Variants in SHANK2 observed in about 807,000 individuals in gnomAD.
SHANK2 encodes SH3 and multiple ankyrin repeat domains protein 2.
A neutral mutation model predicts 133.7 loss-of-function variants in SHANK2; 43 were observed. The ratio of observed to expected loss-of-function variants is 0.32; its 90% CI spans 0.25 to 0.41. The LOEUF (loss-of-function observed/expected upper bound fraction) is 0.41. Among genes scored for constraint, SHANK2 ranks in the 10% least tolerant of loss-of-function variants. The pLI, the probability that SHANK2 is intolerant of heterozygous loss-of-function variation, is 1.00. For missense variants in SHANK2, 1,994 were observed against 2,235.8 expected, an observed-to-expected ratio of 0.89 and a Z score of 2.18; for synonymous variants, 1,017 against 952.8, an observed-to-expected ratio of 1.07 and a Z score of -1.24.
rs560245185 is a variant in SHANK2, at chr11:70,739,955, G to T, written c.1778-41192C>A. Among the ~76,000 whole-genome samples the T allele has an allele frequency of 6.6e-6, 1 of 152,362 alleles. No homozygotes were observed. Among genetic ancestry groups the T allele is most frequent in the South Asian group, 2.1e-4 (1 of 4,826 alleles). On this transcript the variant is annotated intron_variant, in intron 14 of 25. Transcript: ENST00000601538. The surrounding 1 kb of genome is among the most constrained non-coding windows in gnomAD (Gnocchi z 4.3). Reference sequence around the variant, plus strand: ...CACGCAGGTAGGGCACAGAAGTCCAGCTTGGCTCCTTCGCCATCAGGAGAC... The same window carrying T: ...CACGCAGGTAGGGCACAGAAGTCCATCTTGGCTCCTTCGCCATCAGGAGAC...
At chr11:70,742,787 G>C (rs557405025) in intron 14 of SHANK2, among the ~76,000 whole-genome samples, 1 of 152,352 alleles carries the variant, frequency 6.6e-6, no homozygotes, top group South Asian at 2.1e-4. Context: ...GGCCTGGAGC[G>C]CAGGCATGGC....
intron 14 of SHANK2, among the ~76,000 whole-genome samples, chr11:70,772,586 C>T (rs1392681217): frequency 6.6e-6 from 1 of 152,202 alleles, no homozygotes; most frequent in African/African-American, 2.4e-5. Flanking sequence ...CCTGTCGCTT[C>T]CTACATGCAG....
At position 70,922,515 on chromosome 11, in the gene SHANK2, C is replaced by G. The variant is rs114847104; in HGVS notation, c.1108-25948G>C. On this transcript the variant is annotated intron_variant, in intron 10 of 25. Coordinates refer to ENST00000601538, the MANE Select transcript of SHANK2 (RefSeq NM_012309.5). ...AGCAACCATAGCAAATGGCCATTAT[C>G]TACAATCACACCGACAGCAGTCTTT... Among the ~76,000 whole-genome samples the G allele has an allele frequency of 4.3e-3, 647 of 152,222 alleles. 5 individuals are homozygous for G. Among genetic ancestry groups the G allele is most frequent in the African/African-American group, 0.015 (625 of 41,544 alleles).
chr11:70,837,703 G>A (rs782520477), intron 11 of SHANK2, among the ~76,000 whole-genome samples: 4 of 152,100 alleles, frequency 2.6e-5, no homozygotes, highest in Non-Finnish European at 4.4e-5. Flanking sequence ...GGCCAGGCAC[G>A]GTGGCTCATG....
chr11:70,473,159 C>G lies in SHANK2; in HGVS notation c.5260G>C (p.Gly1754Arg). Reference sequence around the variant, plus strand: ...CTACTGCGTCCCGCTGGGTTCAAGCCAAATAGATCCCCAGAAGGGGGCTGG... The same window carrying G: ...CTACTGCGTCCCGCTGGGTTCAAGCGAAATAGATCCCCAGAAGGGGGCTGG... The part of the protein sequence containing the change: ...PSQPPSGDLF[G>R]LNPAGRSRSP... The change falls in exon 26 of 26, where the codon GGC becomes CGC. Residue 1754 changes from glycine (G) to arginine (R), a missense_variant. Coordinates refer to ENST00000601538, the MANE Select transcript of SHANK2 (RefSeq NM_012309.5). This position sits in a 1 kb window ranked among gnomAD's most constrained non-coding sequence, Gnocchi z 5.9. 1 of 1,613,948 alleles carries G rather than the reference C, an allele frequency of 6.2e-7. No individual in the cohort carries two copies. Among genetic ancestry groups the G allele is most frequent in the Non-Finnish European group, 8.5e-7 (1 of 1,179,824 alleles).
chr11:70,736,740 T>C (rs1314703254), intron 14 of SHANK2, among the ~76,000 whole-genome samples: 1 of 152,128 alleles, frequency 6.6e-6, no homozygotes, highest in African/African-American at 2.4e-5. Flanking sequence ...CTTCATTCCA[T>C]GGCGGCTCCC....
At chr11:71,223,198 C>T (rs1427817345) in intron 2 of SHANK2, among the ~76,000 whole-genome samples, 9 of 152,224 alleles carry the variant, frequency 5.9e-5, no homozygotes. Flanking sequence ...GGCCGCCCAA[C>T]TGCGATGGTG....
intron 17 of SHANK2, among the ~76,000 whole-genome samples, chr11:70,588,943 G>A (rs1448325914): frequency 6.6e-6 from 1 of 152,116 alleles, no homozygotes; most frequent in Non-Finnish European, 1.5e-5. Context: ...TCAGCCTCCC[G>A]AGTAGCTGGG....
chr11:70,924,743 C>A (rs1180657156), intron 10 of SHANK2, among the ~76,000 whole-genome samples: 1 of 152,088 alleles, frequency 6.6e-6, no homozygotes, highest in African/African-American at 2.4e-5. Flanking sequence ...AGGCTTGAGC[C>A]ACCGTACCCA....
In SHANK2 at chr11:70,485,923, G is replaced by A; in HGVS notation, c.4370C>T (p.Thr1457Ile). The change falls in exon 25 of 26, where the codon ACC (threonine) becomes ATC (isoleucine). Residue 1457 changes from threonine to isoleucine, a missense_variant. Transcript: ENST00000601538. The surrounding 1 kb of genome is among the most constrained non-coding windows in gnomAD (Gnocchi z 5.8). ...QSPSLNSSQPTNSADSKKPAS... is the reference protein window; with the variant it reads ...QSPSLNSSQPINSADSKKPAS... ...TGGCTTCTTGCTGTCTGCAGAGTTGGTTGGTTGGCTGGAGTTCAACGAAGG... is the reference window on the plus strand; with the variant it reads ...TGGCTTCTTGCTGTCTGCAGAGTTGATTGGTTGGCTGGAGTTCAACGAAGG... 6.2e-7 allele frequency: 1 copy of A among 1,614,140 alleles called. No individual in the cohort carries two copies. The highest frequency in any genetic ancestry group is 8.5e-7 in the Non-Finnish European group (1 of 1,180,042).
intron 14 of SHANK2, among the ~76,000 whole-genome samples, chr11:70,729,426 T>C (rs1946237691): frequency 6.6e-6 from 1 of 152,056 alleles, no homozygotes; most frequent in Non-Finnish European, 1.5e-5. Context: ...GCACGGGGCT[T>C]CCTTTTGGGA....
At chr11:71,141,665 C>G (rs1377528636) in intron 3 of SHANK2, among the ~76,000 whole-genome samples, 1 of 152,010 alleles carries the variant, frequency 6.6e-6, no homozygotes, top group Non-Finnish European at 1.5e-5. Flanking sequence ...TCGTTATTAC[C>G]AGCATGAGAA....
chr11:70,649,157 A>G (rs550376), intron 17 of SHANK2, among the ~76,000 whole-genome samples: 60,558 of 151,900 alleles, frequency 0.4, 12,518 homozygotes, highest in African/African-American at 0.5. Flanking sequence ...TCCATCTGCA[A>G]CCCCAGCCCT....
At chr11:70,903,505 A>G (rs1240412108) in intron 10 of SHANK2, among the ~76,000 whole-genome samples, 1 of 152,194 alleles carries the variant, frequency 6.6e-6, no homozygotes, top group Non-Finnish European at 1.5e-5. Context: ...AGCCTATAAT[A>G]TGACAATCAC....
chr11:70,900,049 A>G (rs537544244), intron 10 of SHANK2, among the ~76,000 whole-genome samples: 12 of 152,324 alleles, frequency 7.9e-5, no homozygotes, highest in Admixed American at 3.9e-4. Flanking sequence ...CACATGGCCA[A>G]TCAACCCTAA....
In SHANK2 at chr11:70,720,876, T is replaced by C. The variant is rs915655252; in HGVS notation, c.1778-22113A>G. 2.6e-5 allele frequency among the ~76,000 whole-genome samples: 4 copies of C among 152,234 alleles called. No individual in the cohort carries two copies. The East Asian group carries it at 7.7e-4, about 29-fold the overall frequency. On this transcript the variant is annotated intron_variant, in intron 14 of 25. Coordinates refer to ENST00000601538, the MANE Select transcript of SHANK2 (RefSeq NM_012309.5). Reference sequence around the variant, plus strand: ...ACGTACATGTATGCACACCCATGCATGCACACATACACATCTGTACACACA... The same window carrying C: ...ACGTACATGTATGCACACCCATGCACGCACACATACACATCTGTACACACA...
intron 14 of SHANK2, 69 bp from the exon 15 acceptor site, chr11:70,698,832 A>G (rs7117514): frequency 0.4 from 288,256 of 716,900 alleles, 61,292 homozygotes; most frequent in Non-Finnish European, 0.46. Flanking sequence ...CCCACAGCAC[A>G]TGAGGCTGGT....
At chr11:70,943,854 C>G (rs1950681761) in intron 10 of SHANK2, 1 of 452,118 alleles carries the variant, frequency 2.2e-6, no homozygotes, top group South Asian at 1.6e-5. Context: ...CATCCCACGC[C>G]ACAGTGCTTT....
In SHANK2 at chr11:70,469,340, T is replaced by G. The variant is rs2058569886; in HGVS notation, c.*3529A>C. The G allele has an allele frequency of 6.6e-6, 1 of 152,654 alleles. No homozygotes were observed. The highest frequency in any genetic ancestry group is 2.4e-5 in the African/African-American group (1 of 41,470). The allele number at this position is 152,654 out of a possible 1,614,324, so 9.5% of individuals were successfully genotyped here. ...TTTAGAGAGGCAGAGCTGGCCACAATGCCTGAGATAATCTACATTAGATTG... is the reference window on the plus strand; with the variant it reads ...TTTAGAGAGGCAGAGCTGGCCACAAGGCCTGAGATAATCTACATTAGATTG... On this transcript the variant is annotated 3_prime_UTR_variant, in exon 26 of 26. Coordinates refer to ENST00000601538, the MANE Select transcript of SHANK2 (RefSeq NM_012309.5).
Sources: gnomAD v4.1 joint callset for allele counts (sites outside exome capture counted in the v4.1 genomes callset) on GRCh38, gnomAD v4.1.1 for gene constraint, Gnocchi (gnomAD v3.1) non-coding constraint, MANE v1.5 for transcripts, NCBI Gene and HGNC (gene_info 2026-07-23, HGNC 2026-07-21) for gene names.